The following RBFOX3 variants were observed in gnomAD, a reference collection of about 807,000 sequenced individuals.
RBFOX3 encodes RNA binding fox-1 homolog 3.
A neutral mutation model predicts 48.7 loss-of-function variants in RBFOX3; 17 were observed. The observed-to-expected ratio is 0.35, with a 90% CI of 0.24 to 0.52. The LOEUF (loss-of-function observed/expected upper bound fraction) is 0.52. Ranked by LOEUF, RBFOX3 falls within the 20% of genes least tolerant of loss-of-function variation. The pLI is 0.94. For missense variants in RBFOX3, 382 were observed against 497.5 expected (o/e 0.77, Z 2.21); for synonymous variants, 212 against 209.5 (o/e 1.01, Z -0.10).
intron 4 of RBFOX3, among the ~76,000 whole-genome samples, chr17:79,227,577 A>C (rs561812789): frequency 2.3e-4 from 35 of 152,358 alleles, no homozygotes; most frequent in African/African-American, 7.9e-4. Context: ...GGCCCCGCTC[A>C]TTCCCGGCTG....
At chr17:79,437,184 C>T (rs1449967090) in intron 2 of RBFOX3, among the ~76,000 whole-genome samples, 3 of 152,122 alleles carry the variant, frequency 2.0e-5, no homozygotes, top group African/African-American at 7.2e-5. Flanking sequence ...AGGGTCTCAC[C>T]CCCCAGGAGC....
chr17:79,222,583 G>T (rs965386371), intron 4 of RBFOX3, among the ~76,000 whole-genome samples: 1 of 152,180 alleles, frequency 6.6e-6, no homozygotes, highest in East Asian at 1.9e-4. Flanking sequence ...ATGTCCTCTC[G>T]CACGTGTCCA....
intron 4 of RBFOX3, among the ~76,000 whole-genome samples, chr17:79,209,095 A>G (rs2057986269): frequency 6.6e-6 from 1 of 152,164 alleles, no homozygotes; most frequent in Non-Finnish European, 1.5e-5. Context: ...CTGGGATTAC[A>G]GGCGTGAGCC....
chr17:79,659,124 G>A, the RBFOX3 span, among the ~76,000 whole-genome samples: 3 of 152,158 alleles, frequency 2.0e-5, no homozygotes, highest in Admixed American at 6.5e-5. Context: ...CACAGGAACA[G>A]GGAGTGTGGA....
At chr17:79,165,682 C>T (rs1037639313) in intron 4 of RBFOX3, among the ~76,000 whole-genome samples, 8 of 152,350 alleles carry the variant, frequency 5.3e-5, no homozygotes, top group Middle Eastern at 3.4e-3. Flanking sequence ...GCCTCAGACA[C>T]GATCTTCAGA....
chr17:79,097,666 C>CAA, intron 10 of RBFOX3, 26 bp downstream of exon 10: 4 of 1,503,332 alleles, frequency 2.7e-6, no homozygotes, highest in Non-Finnish European at 3.6e-6. Context: ...GGTCTCATCC[C>CAA]ATCCCCGCCC....
chr17:79,553,796 G>A (rs1305262688), intron 1 of RBFOX3, among the ~76,000 whole-genome samples: 6 of 152,098 alleles, frequency 3.9e-5, no homozygotes, highest in African/African-American at 9.6e-5. Flanking sequence ...GCAGTGGTGC[G>A]ATCTTGGCTC....
Position 79,559,167 on chromosome 17 carries a change from T to G in RBFOX3, c.-320+51659A>C, listed in dbSNP as rs914621926. On this transcript the variant is annotated intron_variant, in intron 1 of 14. Transcript: ENST00000693108. ...CCCTGAGGATGGGAGGGGCGGGGGTTGTCTGTCTTTTTTTCCCATGATTGT... is the reference window on the plus strand; with the variant it reads ...CCCTGAGGATGGGAGGGGCGGGGGTGGTCTGTCTTTTTTTCCCATGATTGT... Among the ~76,000 whole-genome samples the G allele has an allele frequency of 8.7e-3, 1,320 of 152,252 alleles. 22 individuals are homozygous for G. The highest frequency in any genetic ancestry group is 0.03 in the African/African-American group (1,242 of 41,534).
chr17:79,501,030 G>A (rs946891185), intron 1 of RBFOX3, among the ~76,000 whole-genome samples: 10 of 152,296 alleles, frequency 6.6e-5, no homozygotes, highest in Admixed American at 3.3e-4. Flanking sequence ...TGAAGGGTGC[G>A]GAGCTCTTTC....
Position 79,101,575 on chromosome 17 carries a change from G to A in RBFOX3, c.568+9C>T. 2 of 1,549,430 alleles carry A rather than the reference G, an allele frequency of 1.3e-6. No individual in the cohort carries two copies. The highest frequency in any genetic ancestry group is 1.7e-6 in the Non-Finnish European group (2 of 1,145,472). Reference sequence around the variant, plus strand: ...CCCAGCAGCCTTGTGGGGGGACCCAGCCCCTTACCGTTGGTGTAGGGGTTC... The same window carrying A: ...CCCAGCAGCCTTGTGGGGGGACCCAACCCCTTACCGTTGGTGTAGGGGTTC... On this transcript the variant is annotated intron_variant, in intron 9 of 14. Coordinates refer to ENST00000693108, the MANE Select transcript of RBFOX3 (RefSeq NM_001350451.2).
At chr17:79,293,984 C>A (rs1165902611) in intron 3 of RBFOX3, among the ~76,000 whole-genome samples, 6 of 152,166 alleles carry the variant, frequency 3.9e-5, no homozygotes, top group Admixed American at 1.3e-4. Context: ...TCAACTAGGG[C>A]AGGGGAAGCA....
intron 2 of RBFOX3, among the ~76,000 whole-genome samples, chr17:79,406,851 G>T (rs1379357660): frequency 2.6e-5 from 4 of 152,152 alleles, no homozygotes; most frequent in African/African-American, 9.7e-5. Flanking sequence ...GACAATATTT[G>T]GGGGATGCAA....
At chr17:79,256,700 C>G (rs925393617) in intron 3 of RBFOX3, among the ~76,000 whole-genome samples, 6 of 152,082 alleles carry the variant, frequency 3.9e-5, no homozygotes, top group African/African-American at 1.4e-4. Context: ...GGTGGATCAC[C>G]TGAGGTCAGG....
chr17:79,157,166 G>T (rs1210230137), intron 4 of RBFOX3, among the ~76,000 whole-genome samples: 9 of 152,166 alleles, frequency 5.9e-5, no homozygotes, highest in African/African-American at 2.2e-4. Flanking sequence ...TCCTTTGCGT[G>T]TCTCACTTTG....
the RBFOX3 span, among the ~76,000 whole-genome samples, chr17:79,627,741 C>T: frequency 6.6e-6 from 1 of 152,166 alleles, no homozygotes. Context: ...TTCCTCTCTC[C>T]TCCTCCTTCT....
In RBFOX3 at chr17:79,205,767, C is replaced by T. The variant is rs1457265909; in HGVS notation, c.-34+29999G>A. On this transcript the variant is annotated intron_variant, in intron 4 of 14. Transcript: ENST00000693108. This position sits in a 1 kb window ranked among gnomAD's most constrained non-coding sequence, Gnocchi z 4.5. Reference sequence around the variant, plus strand: ...GAATAGCTCGACAGAGCCTCTATTACTTGGTATATGGTGATTGATATGGAA... The same window carrying T: ...GAATAGCTCGACAGAGCCTCTATTATTTGGTATATGGTGATTGATATGGAA... 6.6e-6 allele frequency among the ~76,000 whole-genome samples: 1 copy of T among 151,574 alleles called. No individual in the cohort carries two copies. The highest frequency in any genetic ancestry group is 1.9e-4 in the East Asian group (1 of 5,180).
At position 79,128,199 on chromosome 17, in the gene RBFOX3, G is replaced by A. The variant is rs910442564; in HGVS notation, c.-33-12451C>T. ...GGCCTCTATTATGTTTGGCTTGGTC[G>A]AAACCTCCAGTTTCCTGAGTGGCCA... On this transcript the variant is annotated intron_variant, in intron 4 of 14. Transcript: ENST00000693108. 7.9e-5 allele frequency among the ~76,000 whole-genome samples: 12 copies of A among 152,172 alleles called. 1 individual carries two copies. Among genetic ancestry groups the A allele is most frequent in the Admixed American group, 5.2e-4 (8 of 15,286 alleles).
the RBFOX3 span, among the ~76,000 whole-genome samples, chr17:79,653,037 T>C: frequency 1.3e-5 from 2 of 152,104 alleles, no homozygotes; most frequent in African/African-American, 2.4e-5. Flanking sequence ...GGAAAAAAAA[T>C]GCCTTCGAAA....
rs1356270183 is a variant in RBFOX3, at chr17:79,421,961, C to G, written c.-175+60493G>C. On this transcript the variant is annotated intron_variant, in intron 2 of 14. Transcript: ENST00000693108. This position sits in a 1 kb window ranked among gnomAD's most constrained non-coding sequence, Gnocchi z 4.5. ...AGGCTCAGCAGCTCCCAACAGAATT[C>G]TAGGTGCTGCCCGGACGAGATGAGG... Among the ~76,000 whole-genome samples the G allele has an allele frequency of 6.6e-6, 1 of 152,088 alleles. No homozygotes were observed. Among genetic ancestry groups the G allele is most frequent in the Non-Finnish European group, 1.5e-5 (1 of 68,010 alleles).
Sources: allele counts gnomAD v4.1 joint callset (sites outside exome capture counted in the v4.1 genomes callset), GRCh38; gene constraint gnomAD v4.1.1; non-coding constraint Gnocchi (gnomAD v3.1); transcripts MANE v1.5; gene names NCBI Gene and HGNC (gene_info 2026-07-23, HGNC 2026-07-21).